TEX28: variants seen among roughly 807,000 people sequenced by gnomAD.
The protein encoded by TEX28 is testis-specific protein TEX28.
chrX:154,294,551 C>T (rs1435926888), upstream of TEX28, among the ~76,000 whole-genome samples: 3 of 96,168 alleles, frequency 3.1e-5, no homozygotes, highest in East Asian at 1.0e-3. Context: ...CCTGTAATCC[C>T]AACACTTTGG....
upstream of TEX28, among the ~76,000 whole-genome samples, chrX:154,294,147 C>G (rs1233097856): frequency 2.0e-5 from 2 of 98,296 alleles, no homozygotes; most frequent in Non-Finnish European, 4.1e-5. Context: ...CTTGGCTCAC[C>G]GCAACCTCGA....
At chrX:154,294,268 T>C (rs2067200775), upstream of TEX28, among the ~76,000 whole-genome samples, 1 of 109,268 alleles carries the variant, frequency 9.2e-6, no homozygotes, top group South Asian at 4.0e-4. Context: ...ACGGGGTGTC[T>C]CCATGTTAGG....
At chrX:154,294,359 G>A (rs1292632652), upstream of TEX28, among the ~76,000 whole-genome samples, 2 of 104,656 alleles carry the variant, frequency 1.9e-5, no homozygotes, top group African/African-American at 3.6e-5. Context: ...GTGTGCCACT[G>A]TGCCCAGCCA....
upstream of TEX28, chrX:154,294,886 A>T (rs782723523): frequency 5.3e-5 from 6 of 112,274 alleles, no homozygotes; most frequent in Non-Finnish European, 1.1e-4. Context: ...TGGCGCGACC[A>T]GGCGGCCTGA....
chrX:154,294,797 C>G (rs782505935), upstream of TEX28, among the ~76,000 whole-genome samples: 2 of 107,943 alleles, frequency 1.9e-5, no homozygotes, highest in African/African-American at 6.8e-5. Flanking sequence ...GGCGAGACTC[C>G]GTCTCAAAAA....
chrX:154,294,497 C>G (rs2067202643), upstream of TEX28, among the ~76,000 whole-genome samples: 1 of 107,002 alleles, frequency 9.3e-6, no homozygotes, highest in African/African-American at 3.4e-5. Flanking sequence ...TTCCCATTAG[C>G]TGGGATTACA....
upstream of TEX28, among the ~76,000 whole-genome samples, chrX:154,293,434 G>A (rs2148793794): frequency 1.1e-5 from 1 of 87,268 alleles, no homozygotes; most frequent in African/African-American, 5.8e-5. Context: ...AAGCCAAGGT[G>A]GGTGGATCTC....
chrX:154,294,671 C>T (rs927681151), upstream of TEX28, among the ~76,000 whole-genome samples: 14 of 110,283 alleles, frequency 1.3e-4, no homozygotes, highest in East Asian at 5.8e-4. Context: ...GGTGTGGTGG[C>T]GGATGCCTGT....
chrX:154,294,879 C>T (rs2067207260), upstream of TEX28, among the ~76,000 whole-genome samples: 1 of 112,034 alleles, frequency 8.9e-6, no homozygotes, highest in Admixed American at 9.4e-5. Context: ...CAGCCTGTGG[C>T]GCGACCAGGC....
chrX:154,293,946 T>C (rs1280683395), upstream of TEX28, among the ~76,000 whole-genome samples: 2 of 63,754 alleles, frequency 3.1e-5, no homozygotes, highest in African/African-American at 1.4e-4. Context: ...ACGCCAAAAA[T>C]TAAAAAGCCT....
At chrX:154,294,405 C>T (rs112245454), upstream of TEX28, among the ~76,000 whole-genome samples, 5 of 102,044 alleles carry the variant, frequency 4.9e-5, no homozygotes, top group African/African-American at 1.1e-4. Flanking sequence ...CTTGCTCTGT[C>T]GCCCAGGCTG....
chrX:154,293,368 GA>G (rs1219078594), upstream of TEX28, among the ~76,000 whole-genome samples: 4 of 84,723 alleles, frequency 4.7e-5, no homozygotes, highest in African/African-American at 1.3e-4. Context: ...GAAAGGGGGA[GA>G]AAAAAAAACA....
upstream of TEX28, among the ~76,000 whole-genome samples, chrX:154,293,337 C>A (rs2067195917): frequency 2.6e-5 from 2 of 76,563 alleles, no homozygotes; most frequent in Admixed American, 1.4e-4. Context: ...TTAATCAAAA[C>A]AAAAACAAAA....
chrX:154,294,588 G>C (rs1231005928), upstream of TEX28, among the ~76,000 whole-genome samples: 1 of 108,086 alleles, frequency 9.3e-6, no homozygotes, highest in Non-Finnish European at 1.9e-5. Flanking sequence ...GATCACCTGA[G>C]GTCAGGAGTT....
At chrX:154,294,370 C>CT (rs1167481537), upstream of TEX28, among the ~76,000 whole-genome samples, 2,541 of 93,252 alleles carry the variant, frequency 0.027, 77 homozygotes, top group African/African-American at 0.081. Context: ...TGCCCAGCCA[C>CT]TTTTTTTTTT....
At chrX:154,294,107 G>C (rs2148794070), upstream of TEX28, among the ~76,000 whole-genome samples, 2 of 92,804 alleles carry the variant, frequency 2.2e-5, no homozygotes, top group South Asian at 1.2e-3. Context: ...TTTTGCTCTT[G>C]TTGCCCAGGC....
upstream of TEX28, among the ~76,000 whole-genome samples, chrX:154,294,682 A>T (rs1181270559): frequency 1.8e-5 from 2 of 110,681 alleles, no homozygotes; most frequent in Non-Finnish European, 3.8e-5. Context: ...GGATGCCTGT[A>T]ATCCCAGCTA....
At chrX:154,294,428 G>A (rs1371942050), upstream of TEX28, among the ~76,000 whole-genome samples, 1 of 106,589 alleles carries the variant, frequency 9.4e-6, no homozygotes, top group Non-Finnish European at 1.9e-5. Context: ...GTACAGTGGC[G>A]CCATCTCAGC....
At chrX:154,295,112 G>A (rs1235046289), upstream of TEX28, 1 of 112,243 alleles carries the variant, frequency 8.9e-6, no homozygotes, top group African/African-American at 3.2e-5. Context: ...TCAGACACAG[G>A]GCGAGCACAT....
Sources: gnomAD v4.1 joint callset for allele counts (sites outside exome capture counted in the v4.1 genomes callset) on GRCh38, gnomAD v4.1.1 for gene constraint, MANE v1.5 for transcripts, NCBI Gene and HGNC (gene_info 2026-07-23, HGNC 2026-07-21) for gene names.